Variants in HYDIN observed in about 807,000 individuals in gnomAD.
HYDIN encodes axonemal central pair apparatus protein HYDIN.
HYDIN carries 132 observed loss-of-function variants against 403.9 expected under a neutral mutation model. The observed-to-expected ratio is 0.33, with a 90% confidence interval of 0.28 to 0.38. The LOEUF is 0.38. HYDIN is among the 10% of genes least tolerant of loss of function. The pLI is 1.00. For missense variants in HYDIN, 2,827 were observed against 5,009.5 expected, an observed-to-expected ratio of 0.56 and a Z score of 13.15; for synonymous variants, 1,202 against 1,891.7, an observed-to-expected ratio of 0.64 and a Z score of 9.46.
chr16:71,034,902 AC>A (rs1197699228), intron 18 of HYDIN, among the ~76,000 whole-genome samples: 3 of 149,966 alleles, frequency 2.0e-5, no homozygotes, highest in African/African-American at 4.9e-5. Flanking sequence ...AGAAAAAAAA[AC>A]AATTAAACAT....
intron 5 of HYDIN, among the ~76,000 whole-genome samples, chr16:71,170,658 A>AAG (rs2144626801): frequency 6.6e-6 from 1 of 152,280 alleles, no homozygotes; most frequent in African/African-American, 2.4e-5. Context: ...CCAACTTCTT[A>AAG]AAGTTGGTTT....
At chr16:71,193,805 T>G (rs561598808) in intron 1 of HYDIN, among the ~76,000 whole-genome samples, 26 of 152,328 alleles carry the variant, frequency 1.7e-4, no homozygotes, top group African/African-American at 5.5e-4. Flanking sequence ...CATCTCTCTT[T>G]GCTTTTTCTT....
Position 70,868,660 on chromosome 16 carries a change from G to A in HYDIN, c.11220C>T (p.Asp3740=), listed in dbSNP as rs1167750432. ...LSRIMFQLPA[D]QVPDWDDRMH... ...TGCGGTCATCCCAGTCGGGGACCTG[G>A]TCTGCAGGGAGCTGAAACATAATCC... Residue 3740 remains aspartate, a synonymous_variant, in exon 66 of 86, where the codon GAC becomes GAT. Transcript: ENST00000393567. 1.2e-6 allele frequency: 2 copies of A among 1,614,050 alleles called. No homozygotes were observed. The highest frequency in any genetic ancestry group is 1.7e-6 in the Non-Finnish European group (2 of 1,180,038).
At chr16:71,224,555 T>C (rs973040652) in intron 1 of HYDIN, among the ~76,000 whole-genome samples, 6 of 146,684 alleles carry the variant, frequency 4.1e-5, no homozygotes, top group Admixed American at 1.4e-4. Context: ...TGGCTAAGGT[T>C]TTTCTTTTTT....
chr16:70,995,114 G>A (rs765845382), intron 23 of HYDIN, among the ~76,000 whole-genome samples: 1 of 152,146 alleles, frequency 6.6e-6, no homozygotes, highest in African/African-American at 2.4e-5. Flanking sequence ...TGCCCCCTGA[G>A]CCACAGGAGA....
rs1003955994 is a variant in HYDIN, at chr16:70,805,293, G to GGTCC, written c.*2283_*2286dup. ...GCAATGTGCATGCAAATCGCCTGGAGGTCCATGAAAATGCAGATTCTGATT... is the reference window on the plus strand; with the variant it reads ...GCAATGTGCATGCAAATCGCCTGGAGGTCCGTCCATGAAAATGCAGATTCTGATT... On this transcript the variant is annotated 3_prime_UTR_variant, in exon 86 of 86. Coordinates refer to ENST00000393567, the MANE Select transcript of HYDIN (RefSeq NM_001270974.2). 6.6e-5 allele frequency among the ~76,000 whole-genome samples: 10 copies of GGTCC among 152,204 alleles called. No homozygotes were observed. The highest frequency in any genetic ancestry group is 2.2e-4 in the African/African-American group (9 of 41,454).
chr16:71,002,146 G>A (rs906749908), intron 23 of HYDIN, among the ~76,000 whole-genome samples: 32 of 152,174 alleles, frequency 2.1e-4, no homozygotes, highest in Non-Finnish European at 3.7e-4. Flanking sequence ...TTGGTGCCTC[G>A]TCTTTGTACT....
intron 1 of HYDIN, among the ~76,000 whole-genome samples, chr16:71,229,725 C>G (rs777247876): frequency 2.0e-5 from 3 of 152,112 alleles, no homozygotes; most frequent in African/African-American, 7.2e-5. Context: ...TCATTAGTTG[C>G]TATGGGCTGG....
chr16:70,901,321 A>T (rs6499350), intron 52 of HYDIN, 119 bp from the exon 53 acceptor site: 352,900 of 617,506 alleles, frequency 0.57, 106,188 homozygotes, highest in African/African-American at 0.63. Flanking sequence ...ATAGGTAAAC[A>T]CATGTCATGG....
intron 10 of HYDIN, among the ~76,000 whole-genome samples, chr16:71,110,382 C>CATATA (rs369772271): frequency 0.056 from 7,380 of 131,948 alleles, 587 homozygotes; most frequent in East Asian, 0.16. Context: ...AAATAAAATA[C>CATATA]ATATATTTTA....
intron 83 of HYDIN, among the ~76,000 whole-genome samples, chr16:70,822,369 TA>T (rs2036323711): frequency 6.6e-6 from 1 of 151,988 alleles, no homozygotes; most frequent in Non-Finnish European, 1.5e-5. Context: ...AATCTCATTA[TA>T]AAACTTGAAT....
At chr16:70,870,335 C>G (rs1462623335) in intron 65 of HYDIN, among the ~76,000 whole-genome samples, 6 of 151,010 alleles carry the variant, frequency 4.0e-5, no homozygotes, top group African/African-American at 1.5e-4. Flanking sequence ...GGGAAAATGT[C>G]TCTAGGGCAT....
At chr16:70,936,594 G>T (rs1224168435) in intron 44 of HYDIN, among the ~76,000 whole-genome samples, 1 of 147,998 alleles carries the variant, frequency 6.8e-6, no homozygotes, top group Non-Finnish European at 1.5e-5. Flanking sequence ...GGAGTGCAGT[G>T]GTGTGATCAG....
chr16:71,198,845 A>C (rs1478668448), intron 1 of HYDIN, among the ~76,000 whole-genome samples: 2 of 152,222 alleles, frequency 1.3e-5, no homozygotes, highest in African/African-American at 4.8e-5. Flanking sequence ...ACAAGTTGGT[A>C]ATCGGTGCAC....
At chr16:70,897,646 A>G (rs1464210129) in intron 53 of HYDIN, among the ~76,000 whole-genome samples, 3 of 146,588 alleles carry the variant, frequency 2.0e-5, no homozygotes, top group African/African-American at 8.2e-5. Context: ...TGAATTTTGA[A>G]TTGAGGAAAA....
intron 80 of HYDIN, among the ~76,000 whole-genome samples, chr16:70,832,036 C>CT (rs1194507739): frequency 8.0e-6 from 1 of 125,086 alleles, no homozygotes. Context: ...TGAACAGACA[C>CT]TTTAACTAAG....
At position 70,981,556 on chromosome 16, in the gene HYDIN, A is replaced by G; in HGVS notation, c.4345T>C (p.Ser1449Pro). 6.2e-7 allele frequency: 1 copy of G among 1,612,384 alleles called. No homozygotes were observed. Among genetic ancestry groups the G allele is most frequent in the African/African-American group, 1.3e-5 (1 of 74,906 alleles). ...LILPVSGFISSHQEQVLKVYY... is the reference protein window; with the variant it reads ...LILPVSGFISPHQEQVLKVYY... ...ACTTTTAATACCTGCTCTTGATGTG[A>G]ACTGATAAAGCCCTACGCGGTAGAA... Residue 1449 changes from serine to proline, a missense_variant, in exon 29 of 86, where the codon TCA becomes CCA. Ser to Pro is a moderately conservative substitution (Grantham distance 74, BLOSUM62 -1). Transcript: ENST00000393567.
At chr16:70,819,898 C>A (rs1263988780) in intron 83 of HYDIN, among the ~76,000 whole-genome samples, 2 of 151,626 alleles carry the variant, frequency 1.3e-5, no homozygotes, top group Admixed American at 6.6e-5. Flanking sequence ...AGCTCTGCCT[C>A]CCGGGTTCAC....
chr16:71,048,068 C>T (rs1421372997), intron 18 of HYDIN, among the ~76,000 whole-genome samples: 1 of 140,636 alleles, frequency 7.1e-6, no homozygotes, highest in East Asian at 2.1e-4. Context: ...TTTTAGCTCC[C>T]ACATATGAGT....
Sources: gnomAD v4.1 joint callset for allele counts (sites outside exome capture counted in the v4.1 genomes callset) on GRCh38, gnomAD v4.1.1 for gene constraint, MANE v1.5 for transcripts, NCBI Gene and HGNC (gene_info 2026-07-23, HGNC 2026-07-21) for gene names.